The following DAP variants were observed in gnomAD, a reference collection of about 807,000 sequenced individuals.
DAP encodes the protein death associated protein, also known as death-associated protein 1.
Under a neutral mutation model 13.8 loss-of-function variants are expected in DAP, and 8 were observed. That is an observed-to-expected ratio of 0.58 (90% CI 0.34 to 1.05). The LOEUF (loss-of-function observed/expected upper bound fraction) is 1.05. Among genes scored for constraint, DAP ranks in the 50% least tolerant of loss-of-function variants. The pLI is 0.03. For missense variants in DAP, 106 were observed against 133.2 expected (o/e 0.80, Z 1.01); for synonymous variants, 47 against 47.5 (o/e 0.99, Z 0.04).
chr5:10,688,959 G>A (rs550267756), intron 2 of DAP, among the ~76,000 whole-genome samples: 8 of 152,284 alleles, frequency 5.3e-5, no homozygotes, highest in Admixed American at 3.9e-4. Flanking sequence ...CTCCAGCACT[G>A]GTCCCCTGTG....
chr5:10,744,582 TGGATCCA>T (rs1739854805), intron 2 of DAP, among the ~76,000 whole-genome samples: 1 of 152,188 alleles, frequency 6.6e-6, no homozygotes, highest in Admixed American at 6.5e-5. Flanking sequence ...GCAATCTATG[TGGATCCA>T]GGGACTTACG....
intron 2 of DAP, among the ~76,000 whole-genome samples, chr5:10,699,204 C>G (rs1342735571): frequency 6.6e-6 from 1 of 150,788 alleles, no homozygotes; most frequent in African/African-American, 2.5e-5. Flanking sequence ...ACCTACTTAC[C>G]TATCTGTCTG....
intron 2 of DAP, among the ~76,000 whole-genome samples, chr5:10,690,411 C>CTATT (rs1273526273): frequency 1.3e-5 from 2 of 152,202 alleles, no homozygotes; most frequent in African/African-American, 4.8e-5. Context: ...TCACCTTTAT[C>CTATT]TATTTCCAGA....
At chr5:10,712,070 T>C (rs1738867428) in intron 2 of DAP, among the ~76,000 whole-genome samples, 1 of 152,064 alleles carries the variant, frequency 6.6e-6, no homozygotes, top group Admixed American at 6.5e-5. Context: ...GTGATTAAGT[T>C]AAAACAACAT....
At chr5:10,695,076 G>A (rs1245615111) in intron 2 of DAP, among the ~76,000 whole-genome samples, 3 of 152,164 alleles carry the variant, frequency 2.0e-5, no homozygotes, top group Non-Finnish European at 2.9e-5. Flanking sequence ...TTAATTTTCT[G>A]GACAGCAAAA....
At chr5:10,738,293 C>G (rs1397601271) in intron 2 of DAP, among the ~76,000 whole-genome samples, 1 of 152,232 alleles carries the variant, frequency 6.6e-6, no homozygotes, top group African/African-American at 2.4e-5. Context: ...ATGAGAAACA[C>G]AATACTCATA....
chr5:10,730,451 G>T (rs192292344), intron 2 of DAP, among the ~76,000 whole-genome samples: 3 of 152,064 alleles, frequency 2.0e-5, no homozygotes, highest in East Asian at 1.9e-4. Flanking sequence ...CCCTGGTCGA[G>T]AAGAATTTTT....
intron 2 of DAP, among the ~76,000 whole-genome samples, chr5:10,685,779 G>C (rs939881802): frequency 6.6e-6 from 1 of 152,122 alleles, no homozygotes; most frequent in Non-Finnish European, 1.5e-5. Context: ...CCAGAAACTT[G>C]ATATAAAATG....
rs1737942129 is a variant in DAP, at chr5:10,680,054, CA to C, written c.*1001del. ...AGGACAACCTGATGCACCCAAGTGA[CA>C]ATGGACCCAGGCAGCTGTGCACACC... On this transcript the variant is annotated 3_prime_UTR_variant, in exon 4 of 4. Coordinates refer to ENST00000230895, the MANE Select transcript of DAP (RefSeq NM_004394.3). The C allele has an allele frequency of 6.6e-6, 1 of 152,640 alleles. No homozygotes were observed. 9.5% of individuals were successfully genotyped at this position (152,640 alleles called of 1,614,324 possible). A position where few individuals can be genotyped will look rare whatever the true frequency, so the allele number is the denominator to read the frequency against.
At chr5:10,759,630 A>C (rs1740286862) in intron 1 of DAP, among the ~76,000 whole-genome samples, 1 of 152,198 alleles carries the variant, frequency 6.6e-6, no homozygotes, top group African/African-American at 2.4e-5. Context: ...TCACCACTGA[A>C]AAATATTGCC....
Position 10,748,367 on chromosome 5 carries a change from A to G in DAP, c.56-96T>C, listed in dbSNP as rs1739965334. 85 of 912,952 alleles carry G rather than the reference A, an allele frequency of 9.3e-5. 1 individual carries two copies. The South Asian group carries it at 1.1e-3, about 12-fold the overall frequency. 56.6% of individuals were successfully genotyped at this position (912,952 alleles called of 1,614,324 possible). A position where few individuals can be genotyped will look rare whatever the true frequency, so the allele number is the denominator to read the frequency against. On this transcript the variant is annotated intron_variant, in intron 1 of 3. Transcript: ENST00000230895. Reference sequence around the variant, plus strand: ...GAAAGGTTCTGGTTGCTCAGTGGCCACAAGTCAGTCTGGAGAATCTGGCAA... The same window carrying G: ...GAAAGGTTCTGGTTGCTCAGTGGCCGCAAGTCAGTCTGGAGAATCTGGCAA...
rs115940082 is a variant in DAP, at chr5:10,725,024, T to A, written c.152+23151A>T. Reference sequence around the variant, plus strand: ...CAACACCCCATGGGCTTGGCCTCGCTAAGGCTGGGAAAGGGCTGCATTTGT... The same window carrying A: ...CAACACCCCATGGGCTTGGCCTCGCAAAGGCTGGGAAAGGGCTGCATTTGT... On this transcript the variant is annotated intron_variant, in intron 2 of 3. Coordinates refer to ENST00000230895, the MANE Select transcript of DAP (RefSeq NM_004394.3). 4.3e-3 allele frequency among the ~76,000 whole-genome samples: 654 copies of A among 152,314 alleles called. 6 individuals carry two copies. Among genetic ancestry groups the A allele is most frequent in the African/African-American group, 0.015 (609 of 41,564 alleles).
chr5:10,748,487 A>G (rs1739967982), intron 1 of DAP, among the ~76,000 whole-genome samples: 1 of 152,174 alleles, frequency 6.6e-6, no homozygotes, highest in South Asian at 2.1e-4. Context: ...CCACTCAGAA[A>G]CTTTCCAAGG....
intron 2 of DAP, among the ~76,000 whole-genome samples, chr5:10,689,431 G>A (rs373941737): frequency 7.2e-5 from 11 of 152,296 alleles, no homozygotes; most frequent in South Asian, 2.1e-4. Context: ...AGGTTGCAGC[G>A]TCTAAGAGTC....
intron 1 of DAP, 30 bp downstream of exon 1, chr5:10,760,984 C>T (rs1740335949): frequency 4.1e-6 from 5 of 1,214,188 alleles, no homozygotes; most frequent in Non-Finnish European, 5.2e-6. Flanking sequence ...CCGGCACCCG[C>T]GCGTGGAGAG....
chr5:10,749,652 C>T (rs1030980021), intron 1 of DAP, among the ~76,000 whole-genome samples: 1 of 151,936 alleles, frequency 6.6e-6, no homozygotes, highest in African/African-American at 2.4e-5. Context: ...CCAAGAGAGA[C>T]CTTCTTGGCC....
intron 2 of DAP, among the ~76,000 whole-genome samples, chr5:10,683,977 T>A (rs1242995476): frequency 6.6e-6 from 1 of 152,146 alleles, no homozygotes; most frequent in Non-Finnish European, 1.5e-5. Context: ...GTGTGCAGCA[T>A]CATACCTGGC....
intron 2 of DAP, among the ~76,000 whole-genome samples, chr5:10,745,359 C>G (rs1739873558): frequency 6.6e-6 from 1 of 152,222 alleles, no homozygotes; most frequent in South Asian, 2.1e-4. Flanking sequence ...ACACACTCAT[C>G]AGGAATGTAT....
chr5:10,746,634 C>T (rs17769408), intron 2 of DAP, among the ~76,000 whole-genome samples: 2 of 152,134 alleles, frequency 1.3e-5, no homozygotes, highest in African/African-American at 2.4e-5. Flanking sequence ...CCGGACAATT[C>T]TAGCATTTTC....
Sources: gnomAD v4.1 joint callset for allele counts (sites outside exome capture counted in the v4.1 genomes callset) on GRCh38, gnomAD v4.1.1 for gene constraint, MANE v1.5 for transcripts, NCBI Gene and HGNC (gene_info 2026-07-23, HGNC 2026-07-21) for gene names.